Variants in MMADHC observed in about 807,000 individuals in gnomAD.
MMADHC encodes metabolism of cobalamin associated D.
In MMADHC, 23 loss-of-function variants were observed where a neutral mutation model predicts 36.3. The observed-to-expected ratio is 0.63, with a 90% CI of 0.46 to 0.90. The LOEUF (loss-of-function observed/expected upper bound fraction) is 0.90, where lower values mean the gene tolerates loss of function less well. MMADHC is among the 40% of genes least tolerant of loss of function. MMADHC has a pLI of 0.00. For missense variants in MMADHC, 330 were observed against 348.0 expected, an observed-to-expected ratio of 0.95 and a Z score of 0.41; for synonymous variants, 97 against 116.1, an observed-to-expected ratio of 0.84 and a Z score of 1.06.
At chr2:149,581,615 T>C (rs189170678) in intron 3 of MMADHC, among the ~76,000 whole-genome samples, 1 of 152,254 alleles carries the variant, frequency 6.6e-6, no homozygotes, top group East Asian at 1.9e-4. Context: ...CAAAGCTTCA[T>C]GGCTTGAAGG....
Position 149,569,857 on chromosome 2 carries a change from A to T in MMADHC, c.*117T>A. 1 of 955,050 alleles carries T rather than the reference A, an allele frequency of 1.0e-6. No homozygotes were observed. The highest frequency in any genetic ancestry group is 1.6e-6 in the Non-Finnish European group (1 of 639,616). The allele number at this position is 955,050 out of a possible 1,614,324, so 59.2% of individuals were successfully genotyped here. ...TCACTTGCCAATGTTGTAAATTCAT[A>T]AATGCTGAAATAAATACTTAGAAAT... On this transcript the variant is annotated 3_prime_UTR_variant, in exon 8 of 8. Coordinates refer to ENST00000303319, the MANE Select transcript of MMADHC (RefSeq NM_015702.3).
intron 6 of MMADHC, chr2:149,572,338 A>AAAAAAAAAAAC: frequency 6.2e-6 from 2 of 320,872 alleles, no homozygotes; most frequent in Non-Finnish European, 6.1e-6. Context: ...CCGTCTCCAA[A>AAAAAAAAAAAC]AAAAAAAAAT....
In MMADHC at chr2:149,575,856, A is replaced by T. The variant is rs1218187181; in HGVS notation, c.479-15T>A. The T allele has an allele frequency of 6.3e-7, 1 of 1,579,346 alleles. No individual in the cohort carries two copies. The highest frequency in any genetic ancestry group is 1.3e-5 in the African/African-American group (1 of 74,406). On this transcript the variant is annotated splice_polypyrimidine_tract_variant and intron_variant, in intron 5 of 7. Coordinates refer to ENST00000303319, the MANE Select transcript of MMADHC (RefSeq NM_015702.3). ...TGATTCAAAATCTACAAATAAGAATAAACATTCCAGGTAGAAAAGAATTTG... is the reference window on the plus strand; with the variant it reads ...TGATTCAAAATCTACAAATAAGAATTAACATTCCAGGTAGAAAAGAATTTG...
Position 149,582,185 on chromosome 2 carries a change from C to T in MMADHC, c.96G>A (p.Ser32=), listed in dbSNP as rs1366609158. The part of the protein sequence containing the change: ...VKRVVNPKAF[S]TAGSSGSDES... ...CATCCGAACCTGATGATCCTGCAGT[C>T]GAAAAGGCTTTGGGATTGACAACCC... The change falls in exon 3 of 8, where the codon TCG becomes TCA. Residue 32 remains serine, a synonymous_variant. Coordinates refer to ENST00000303319, the MANE Select transcript of MMADHC (RefSeq NM_015702.3). The T allele has an allele frequency of 5.0e-6, 8 of 1,613,928 alleles. No individual in the cohort carries two copies. The highest frequency in any genetic ancestry group is 1.3e-5 in the African/African-American group (1 of 75,040).
chr2:149,584,508 G>A (rs1051085175), intron 2 of MMADHC, among the ~76,000 whole-genome samples: 4 of 151,936 alleles, frequency 2.6e-5, no homozygotes, highest in South Asian at 2.1e-4. Context: ...TTCAAAAATC[G>A]CCTATTATTT....
intron 5 of MMADHC, 107 bp from the exon 6 acceptor site, chr2:149,575,948 A>C: frequency 1.1e-6 from 1 of 884,520 alleles, no homozygotes; most frequent in Non-Finnish European, 1.7e-6. Flanking sequence ...GATTAAGTAA[A>C]ATTACTGTGG....
In MMADHC at chr2:149,579,320, C is replaced by T. The variant is rs552663323; in HGVS notation, c.372+111G>A. 1.0e-4 allele frequency: 104 copies of T among 1,017,798 alleles called. 1 individual carries two copies. The highest frequency in any genetic ancestry group is 6.5e-4 in the African/African-American group (41 of 62,678). 63.0% of individuals were successfully genotyped at this position (1,017,798 alleles called of 1,614,324 possible). On this transcript the variant is annotated intron_variant, in intron 4 of 7. Coordinates refer to ENST00000303319, the MANE Select transcript of MMADHC (RefSeq NM_015702.3). ...TATGCTGTTTTTGTATATACATGTA[C>T]TGGAATTAAATTGATTTTTTACTTT...
At chr2:149,576,583 CAAAT>C in intron 4 of MMADHC, 41 bp from the exon 5 acceptor site, 3 of 1,328,190 alleles carry the variant, frequency 2.3e-6, no homozygotes. Flanking sequence ...ATCTGGAGTT[CAAAT>C]AAAACGGTAT....
chr2:149,578,165 C>T (rs540447485), intron 4 of MMADHC, among the ~76,000 whole-genome samples: 1 of 152,162 alleles, frequency 6.6e-6, no homozygotes, highest in East Asian at 1.9e-4. Context: ...TGTCATGCTA[C>T]AATGACTCTA....
rs141014281 is a variant in MMADHC, at chr2:149,579,364, C to A, written c.372+67G>T. ...TTACTTTTTCAACAAAAGTAATATGCTTATAATAATCAAGTCATATAGCAT... is the reference window on the plus strand; with the variant it reads ...TTACTTTTTCAACAAAAGTAATATGATTATAATAATCAAGTCATATAGCAT... On this transcript the variant is annotated intron_variant, in intron 4 of 7. Coordinates refer to ENST00000303319, the MANE Select transcript of MMADHC (RefSeq NM_015702.3). 13 of 1,343,954 alleles carry A rather than the reference C, an allele frequency of 9.7e-6. No homozygotes were observed. The Admixed American group carries it at 1.7e-4, about 18-fold the overall frequency. The allele number at this position is 1,343,954 out of a possible 1,614,324, so 83.3% of individuals were successfully genotyped here. A position where few individuals can be genotyped will look rare whatever the true frequency, so the allele number is the denominator to read the frequency against.
chr2:149,579,369 A>G (rs1403118932), intron 4 of MMADHC, 62 bp downstream of exon 4: 2 of 1,361,780 alleles, frequency 1.5e-6, no homozygotes, highest in Admixed American at 3.8e-5. Context: ...ATATGCTTAT[A>G]ATAATCAAGT....
At chr2:149,586,158 C>T (rs1682866016) in intron 2 of MMADHC, among the ~76,000 whole-genome samples, 1 of 152,166 alleles carries the variant, frequency 6.6e-6, no homozygotes, top group African/African-American at 2.4e-5. Flanking sequence ...TGGCTAAATG[C>T]TGCCATATAA....
chr2:149,575,922 T>A, intron 5 of MMADHC, 81 bp from the exon 6 acceptor site: 1 of 1,116,894 alleles, frequency 9.0e-7, no homozygotes, highest in Non-Finnish European at 1.3e-6. Context: ...TAAAAGTACT[T>A]CTTTAGAAAA....
chr2:149,579,699 T>C (rs1027423189), intron 3 of MMADHC, 51 bp from the exon 4 acceptor site: 1 of 1,412,228 alleles, frequency 7.1e-7, no homozygotes, highest in Non-Finnish European at 9.9e-7. Flanking sequence ...TCAAGTATAT[T>C]GGTAGACTGA....
At chr2:149,584,692 A>C (rs1573881306) in intron 2 of MMADHC, among the ~76,000 whole-genome samples, 2 of 152,184 alleles carry the variant, frequency 1.3e-5, no homozygotes, top group African/African-American at 2.4e-5. Flanking sequence ...TAAATTGCCC[A>C]CTGAAAGCGA....
At chr2:149,574,748 C>T (rs1238897507) in intron 6 of MMADHC, among the ~76,000 whole-genome samples, 1 of 152,218 alleles carries the variant, frequency 6.6e-6, no homozygotes, top group Non-Finnish European at 1.5e-5. Flanking sequence ...AAGACTGTCA[C>T]TGCTTGTTGC....
At chr2:149,578,003 C>T (rs966654817) in intron 4 of MMADHC, among the ~76,000 whole-genome samples, 4 of 152,052 alleles carry the variant, frequency 2.6e-5, no homozygotes, top group Non-Finnish European at 5.9e-5. Context: ...GGTGACAGAG[C>T]AAGACTTCAT....
At chr2:149,587,435 G>C (rs1026265261) in intron 1 of MMADHC, 16 of 418,804 alleles carry the variant, frequency 3.8e-5, no homozygotes, top group Middle Eastern at 6.7e-4. Context: ...ATTCAGTCCA[G>C]AGGATCGAAG....
At chr2:149,579,236 T>TA (rs1010668767) in intron 4 of MMADHC, among the ~76,000 whole-genome samples, 195 bp downstream of exon 4, 2 of 152,076 alleles carry the variant, frequency 1.3e-5, no homozygotes, top group East Asian at 1.9e-4. Context: ...TAATCTACAG[T>TA]AAAAAAATTA....
Sources: allele counts gnomAD v4.1 joint callset (sites outside exome capture counted in the v4.1 genomes callset), GRCh38; gene constraint gnomAD v4.1.1; transcripts MANE v1.5; gene names NCBI Gene and HGNC (gene_info 2026-07-23, HGNC 2026-07-21).